NR2E1: variants seen among roughly 807,000 people sequenced by gnomAD.
The protein encoded by NR2E1 is nuclear receptor subfamily 2 group E member 1, also known as nuclear receptor TLX.
In NR2E1, 5 loss-of-function variants were observed where a neutral mutation model predicts 43.6. The observed-to-expected ratio is 0.11, with a 90% CI of 0.06 to 0.24. The LOEUF is 0.24. Among genes scored for constraint, NR2E1 ranks in the 10% least tolerant of loss-of-function variants. The probability of loss-of-function intolerance (pLI) is 1.00; values close to 1 mark genes in which losing one functional copy is unlikely to be tolerated. For missense variants in NR2E1, 287 were observed against 496.7 expected (o/e 0.58, Z 4.01); for synonymous variants, 191 against 195.5 (o/e 0.98, Z 0.19).
chr6:108,181,507 C>T (rs1241363731), intron 7 of NR2E1, 39 bp from the exon 8 acceptor site: 3 of 1,547,222 alleles, frequency 1.9e-6, no homozygotes, highest in South Asian at 1.1e-5. Context: ...GATGCAATTT[C>T]TATGCTGTCT....
At chr6:108,178,285 A>C (rs374695552) in intron 5 of NR2E1, 44 bp downstream of exon 5, 15 of 1,609,540 alleles carry the variant, frequency 9.3e-6, no homozygotes, top group Non-Finnish European at 1.2e-5. Context: ...GCTGGGAAAG[A>C]AGCAGTAGCA....
chr6:108,180,980 T>C lies in NR2E1; in HGVS notation c.889+24T>C. The C allele has an allele frequency of 6.2e-7, 1 of 1,613,936 alleles. No homozygotes were observed. The highest frequency in any genetic ancestry group is 1.1e-5 in the South Asian group (1 of 91,072). ...CGGTAAGCAGACACAGACCCCTGTT[T>C]CTTCTCCTTCCCCAGTTTTGCCACC... On this transcript the variant is annotated intron_variant, in intron 7 of 8. Coordinates refer to ENST00000368986, the MANE Select transcript of NR2E1 (RefSeq NM_003269.5). This position sits in a 1 kb window ranked among gnomAD's most constrained non-coding sequence, Gnocchi z 5.4.
Position 108,178,145 on chromosome 6 carries a change from G to T in NR2E1, c.546G>T (p.Thr182=). Residue 182 remains threonine (T), a synonymous_variant, in exon 5 of 9, where the codon ACG becomes ACT. Coordinates refer to ENST00000368986, the MANE Select transcript of NR2E1 (RefSeq NM_003269.5). ...GTPMYLYEVA[T]ESVCESAARL... ...CAATGTATCTCTATGAAGTGGCCACGGAGTCGGTGTGTGAATCAGCTGCCA... is the reference window on the plus strand; with the variant it reads ...CAATGTATCTCTATGAAGTGGCCACTGAGTCGGTGTGTGAATCAGCTGCCA... The T allele has an allele frequency of 6.2e-7, 1 of 1,614,172 alleles. No individual in the cohort carries two copies. Among genetic ancestry groups the T allele is most frequent in the Non-Finnish European group, 8.5e-7 (1 of 1,180,030 alleles).
At chr6:108,175,395 C>G (rs1014906915) in intron 3 of NR2E1, among the ~76,000 whole-genome samples, 1 of 152,240 alleles carries the variant, frequency 6.6e-6, no homozygotes, top group Non-Finnish European at 1.5e-5. Flanking sequence ...GAATTTCCAG[C>G]CCGTGTGCAA....
Position 108,166,434 on chromosome 6 carries a change from A to C in NR2E1, c.-332A>C. On this transcript the variant is annotated 5_prime_UTR_variant, in exon 1 of 9. Coordinates refer to ENST00000368986, the MANE Select transcript of NR2E1 (RefSeq NM_003269.5). This position sits in a 1 kb window ranked among gnomAD's most constrained non-coding sequence, Gnocchi z 7.2. ...CGTGTCTCCATCTCTGTCTTTCAAC[A>C]TCCCTCTCTTGCTGTTCTTCCTTCT... The C allele has an allele frequency of 6.2e-6, 2 of 321,964 alleles. No homozygotes were observed. The highest frequency in any genetic ancestry group is 1.1e-5 in the Non-Finnish European group (2 of 179,764). 19.9% of individuals were successfully genotyped at this position (321,964 alleles called of 1,614,324 possible).
rs1286742839 is a variant in NR2E1, at chr6:108,170,000, A to T, written c.26-1458A>T. Among the ~76,000 whole-genome samples, 1 of 27,596 alleles carries T rather than the reference A, an allele frequency of 3.6e-5. No individual in the cohort carries two copies. Among genetic ancestry groups the T allele is most frequent in the Non-Finnish European group, 7.2e-5 (1 of 13,942 alleles). The allele number at this position is 27,596 out of a possible 152,430, so 18.1% of individuals were successfully genotyped here. A position where few individuals can be genotyped will look rare whatever the true frequency, so the allele number is the denominator to read the frequency against. On this transcript the variant is annotated intron_variant, in intron 1 of 8. Transcript: ENST00000368986. This position sits in a 1 kb window ranked among gnomAD's most constrained non-coding sequence, Gnocchi z 6.1. ...GCGCTCTCCTTCCCCCACCCCCTCC[A>T]CCTGAGACGAGTCTGGGACCCACGG...
In NR2E1 at chr6:108,180,400, C is replaced by T; in HGVS notation, c.720C>T (p.Asn240=). The change falls in exon 6 of 9, where the codon AAC becomes AAT. Residue 240 remains asparagine (N), a synonymous_variant. Coordinates refer to ENST00000368986, the MANE Select transcript of NR2E1 (RefSeq NM_003269.5). The surrounding 1 kb of genome is among the most constrained non-coding windows in gnomAD (Gnocchi z 5.4). ...AATGGGCCATTCCGGTTGATGCTAA[C>T]ACTCTACTGGCTGTATCTGGTAAGA... ...IAQWAIPVDA[N]TLLAVSGMNG... 1 of 1,608,782 alleles carries T rather than the reference C, an allele frequency of 6.2e-7. No homozygotes were observed. The highest frequency in any genetic ancestry group is 8.5e-7 in the Non-Finnish European group (1 of 1,175,214).
rs186160849 is a variant in NR2E1 at position 108,173,384 on chromosome 6, C to A, written c.172-1452C>A. Among the ~76,000 whole-genome samples, 243 of 152,260 alleles carry A rather than the reference C, an allele frequency of 1.6e-3. 1 individual carries two copies. In the Middle Eastern group the frequency reaches 0.031, roughly 19 times the overall value. Reference sequence around the variant, plus strand: ...ACTATTACATTGGCCAGCAAAGATGCCCTAAATAATTCACTTTGGACCCAA... The same window carrying A: ...ACTATTACATTGGCCAGCAAAGATGACCTAAATAATTCACTTTGGACCCAA... On this transcript the variant is annotated intron_variant, in intron 2 of 8. Coordinates refer to ENST00000368986, the MANE Select transcript of NR2E1 (RefSeq NM_003269.5).
chr6:108,175,463 C>T (rs1444406440), intron 3 of NR2E1, among the ~76,000 whole-genome samples: 2 of 152,256 alleles, frequency 1.3e-5, no homozygotes. Flanking sequence ...CCAGGGCCTT[C>T]TCTCTGTTCT....
intron 8 of NR2E1, 122 bp from the exon 9 acceptor site, chr6:108,187,179 A>T: frequency 1.7e-6 from 2 of 1,160,032 alleles, no homozygotes; most frequent in Non-Finnish European, 2.6e-6. Flanking sequence ...TGCTGCAGGG[A>T]TACTGTGTTA....
intron 8 of NR2E1, among the ~76,000 whole-genome samples, chr6:108,184,554 G>A (rs1774043915): frequency 6.6e-6 from 1 of 152,160 alleles, no homozygotes; most frequent in Admixed American, 6.5e-5. Context: ...AAGTCTGATG[G>A]GTGGAGGAAA....
intron 3 of NR2E1, among the ~76,000 whole-genome samples, chr6:108,175,310 C>T (rs529867381): frequency 6.6e-6 from 1 of 152,380 alleles, no homozygotes; most frequent in South Asian, 2.1e-4. Flanking sequence ...TCTGGATAGT[C>T]TCACGGGGAG....
chr6:108,175,698 C>A (rs544325353), intron 3 of NR2E1, among the ~76,000 whole-genome samples: 1 of 152,158 alleles, frequency 6.6e-6, no homozygotes, highest in African/African-American at 2.4e-5. Context: ...CACCGTGGGG[C>A]CTGGGAACAG....
chr6:108,181,797 T>C, intron 8 of NR2E1, 146 bp downstream of exon 8: 7 of 718,148 alleles, frequency 9.7e-6, no homozygotes, highest in Non-Finnish European at 1.7e-5. Context: ...TGTCCTTACC[T>C]ATCTCTCAGG....
At chr6:108,175,107 C>T (rs1773875043) in intron 3 of NR2E1, among the ~76,000 whole-genome samples, 184 bp downstream of exon 3, 1 of 152,198 alleles carries the variant, frequency 6.6e-6, no homozygotes, top group South Asian at 2.1e-4. Context: ...CTGGCGACCC[C>T]TAGAATTCCC....
At position 108,180,747 on chromosome 6, in the gene NR2E1, C is replaced by T; in HGVS notation, c.740-60C>T. Reference sequence around the variant, plus strand: ...TGATATGCAGGATTTTGTCAAAAATCAATATTAAATCATGAAAATGCCTTC... The same window carrying T: ...TGATATGCAGGATTTTGTCAAAAATTAATATTAAATCATGAAAATGCCTTC... On this transcript the variant is annotated intron_variant, in intron 6 of 8. Transcript: ENST00000368986. The surrounding 1 kb of genome is among the most constrained non-coding windows in gnomAD (Gnocchi z 5.4). The T allele has an allele frequency of 6.5e-7, 1 of 1,532,410 alleles. No individual in the cohort carries two copies. Among genetic ancestry groups the T allele is most frequent in the Non-Finnish European group, 9.0e-7 (1 of 1,106,896 alleles). The allele number at this position is 1,532,410 out of a possible 1,614,324, so 94.9% of individuals were successfully genotyped here. A position where few individuals can be genotyped will look rare whatever the true frequency, so the allele number is the denominator to read the frequency against.
intron 8 of NR2E1, among the ~76,000 whole-genome samples, chr6:108,182,555 A>AT (rs1240401253): frequency 0.17 from 20,955 of 122,878 alleles, 2,082 homozygotes; most frequent in Middle Eastern, 0.26. Context: ...CACCCAGCTA[A>AT]TTTTTTTTTT....
rs373693807 is a variant in NR2E1 at position 108,188,502 on chromosome 6, A to AAC, written c.*1088_*1089dup. 0.22 allele frequency: 29,417 copies of AAC among 132,788 alleles called. 3,319 individuals are homozygous for AAC. The highest frequency in any genetic ancestry group is 0.27 in the Admixed American group (3,554 of 13,080). The allele number at this position is 132,788 out of a possible 1,614,324, so 8.2% of individuals were successfully genotyped here. ...CTGGTTTCTAGTAAAGCCTTGAATG[A>AAC]ACACACACACACACACACACACACA... On this transcript the variant is annotated 3_prime_UTR_variant, in exon 9 of 9. Coordinates refer to ENST00000368986, the MANE Select transcript of NR2E1 (RefSeq NM_003269.5).
intron 8 of NR2E1, among the ~76,000 whole-genome samples, chr6:108,183,447 A>G (rs1455121789): frequency 6.6e-6 from 1 of 152,034 alleles, no homozygotes; most frequent in Non-Finnish European, 1.5e-5. Flanking sequence ...CTGAGTTAGG[A>G]CTGGTAGATT....
Sources: gnomAD v4.1 joint callset for allele counts (sites outside exome capture counted in the v4.1 genomes callset) on GRCh38, gnomAD v4.1.1 for gene constraint, Gnocchi (gnomAD v3.1) non-coding constraint, MANE v1.5 for transcripts, NCBI Gene and HGNC (gene_info 2026-07-23, HGNC 2026-07-21) for gene names.